The following MROH2A variants were observed in gnomAD, a reference collection of about 807,000 sequenced individuals.
MROH2A encodes maestro heat like repeat family member 2A, also known as maestro heat-like repeat-containing protein family member 2A.
In MROH2A, 174 loss-of-function variants were observed where a neutral mutation model predicts 200.4. That is an observed-to-expected ratio of 0.87 (90% confidence interval 0.77 to 0.98). The LOEUF (loss-of-function observed/expected upper bound fraction) is 0.98. MROH2A is among the 50% of genes least tolerant of loss of function. MROH2A has a pLI of 0.00. For missense variants in MROH2A, 2,045 were observed against 2,139.6 expected, an observed-to-expected ratio of 0.96 and a Z score of 0.87; for synonymous variants, 829 against 840.4, an observed-to-expected ratio of 0.99 and a Z score of 0.23.
chr2:233,777,792 A>C (rs537882755), upstream of MROH2A, among the ~76,000 whole-genome samples: 3 of 152,304 alleles, frequency 2.0e-5, no homozygotes, highest in African/African-American at 7.2e-5. Flanking sequence ...TCATTGTTGT[A>C]CCTATGATCT....
intron 38 of MROH2A, 129 bp from the exon 39 acceptor site, chr2:233,831,280 A>T: frequency 8.1e-7 from 1 of 1,237,762 alleles, no homozygotes; most frequent in Non-Finnish European, 1.1e-6. Flanking sequence ...CCCAGGAGCC[A>T]CCAGCCCTGC....
At chr2:233,805,677 C>CT (rs1702747623) in intron 19 of MROH2A, among the ~76,000 whole-genome samples, 1 of 152,176 alleles carries the variant, frequency 6.6e-6, no homozygotes, top group African/African-American at 2.4e-5. Context: ...AGTAAAACTC[C>CT]TTACACAATT....
At position 233,779,740 on chromosome 2, in the gene MROH2A, G is replaced by C. The variant is rs1322100822; in HGVS notation, c.164G>C (p.Gly55Ala). 1.9e-6 allele frequency: 3 copies of C among 1,550,938 alleles called. No homozygotes were observed. The highest frequency in any genetic ancestry group is 2.6e-6 in the Non-Finnish European group (3 of 1,147,104). Residue 55 changes from glycine (G) to alanine (A), a missense_variant, in exon 3 of 42, where the codon GGG (glycine) becomes GCG (alanine). By Grantham distance (60) the Gly-to-Ala change is moderately conservative. Coordinates refer to ENST00000389758, the MANE Select transcript of MROH2A (RefSeq NM_001394639.1). ...GAGTCAGCAAAGACGGACACAACAG[G>C]GGCAGGCCTTGACATGCGGAAGACC... is the stretch of plus-strand genomic sequence containing the variant. ...DSESAKTDTT[G>A]AGLDMRKTLA... is the part of the protein sequence containing the mutation.
rs1000968734 is a variant in MROH2A, at chr2:233,828,131, C to T, written c.4114-499C>T. ...TGCTCATTTCTCCTGTCCCTGGACT[C>T]ACCAATTTGGTGTTTAGTTTTCAGG... On this transcript the variant is annotated intron_variant, in intron 35 of 41. Coordinates refer to ENST00000389758, the MANE Select transcript of MROH2A (RefSeq NM_001394639.1). This position sits in a 1 kb window ranked among gnomAD's most constrained non-coding sequence, Gnocchi z 4.6. Among the ~76,000 whole-genome samples the T allele has an allele frequency of 5.9e-5, 9 of 152,160 alleles. No individual in the cohort carries two copies. The highest frequency in any genetic ancestry group is 2.2e-4 in the African/African-American group (9 of 41,426).
At position 233,804,082 on chromosome 2, in the gene MROH2A, G is replaced by A; in HGVS notation, c.1781G>A (p.Gly594Asp). The change falls in exon 17 of 42, where the codon GGT becomes GAT. Residue 594 changes from glycine to aspartate, a missense_variant. Physicochemically the swap from Gly to Asp is moderately conservative, Grantham distance 94. Coordinates refer to ENST00000389758, the MANE Select transcript of MROH2A (RefSeq NM_001394639.1). ...ATGTCATCACCTTACAAGGGGGAGG[G>A]TCGTGGGATAGCCATGCTCAACCTC... is the stretch of plus-strand genomic sequence containing the variant. ...VLMSSPYKGE[G>D]RGIAMLNLLR... 1 of 1,550,570 alleles carries A rather than the reference G, an allele frequency of 6.4e-7. No individual in the cohort carries two copies. Among genetic ancestry groups the A allele is most frequent in the African/African-American group, 1.4e-5 (1 of 73,144 alleles).
In MROH2A at chr2:233,816,832, G is replaced by T. The variant is rs576717420; in HGVS notation, c.2908G>T (p.Val970Leu). ...GAAAGAATGGGAGCGGGAAAAGGCCGTGAGCCTCCATCTCTATCTCATGTG... is the reference window on the plus strand; with the variant it reads ...GAAAGAATGGGAGCGGGAAAAGGCCTTGAGCCTCCATCTCTATCTCATGTG... ...SEKEWEREKA[V>L]SLHLYLMWIY... Residue 970 changes from valine (V) to leucine (L), a missense_variant, in exon 27 of 42, where the codon GTG becomes TTG. Val to Leu is a conservative substitution (Grantham distance 32). Transcript: ENST00000389758. 1 of 1,550,222 alleles carries T rather than the reference G, an allele frequency of 6.5e-7. No individual in the cohort carries two copies. The highest frequency in any genetic ancestry group is 1.4e-5 in the African/African-American group (1 of 73,062).
At chr2:233,784,386 T>C (rs571013270) in intron 3 of MROH2A, among the ~76,000 whole-genome samples, 19 of 152,332 alleles carry the variant, frequency 1.2e-4, no homozygotes, top group Non-Finnish European at 7.4e-5. Context: ...TTTTATTCCA[T>C]TGTGGTCAGA....
rs726016 is a variant in MROH2A, at chr2:233,816,856, T to C, written c.2932T>C (p.Trp978Arg). 1,322,169 of 1,548,956 alleles carry C rather than the reference T, an allele frequency of 0.85. 564,906 individuals are homozygous for C. The highest frequency in any genetic ancestry group is 0.87 in the East Asian group (35,765 of 40,890). The change falls in exon 27 of 42, where the codon TGG becomes CGG. Residue 978 changes from tryptophan to arginine, a missense_variant. Physicochemically the swap from Trp to Arg is moderately radical, Grantham distance 101. This residue lies in a region of MROH2A where 1,201 missense variants were observed against 1,311.3 expected (regional missense o/e 0.92). Transcript: ENST00000389758. Reference protein sequence around the residue: ...KAVSLHLYLMWIYVHSTAVCI... With the variant: ...KAVSLHLYLMRIYVHSTAVCI... ...CGTGAGCCTCCATCTCTATCTCATGTGGATTTATGTCCACAGCACTGCTGT... is the reference window on the plus strand; with the variant it reads ...CGTGAGCCTCCATCTCTATCTCATGCGGATTTATGTCCACAGCACTGCTGT...
intron 7 of MROH2A, 42 bp from the exon 8 acceptor site, chr2:233,794,321 G>A (rs1264774121): frequency 7.0e-7 from 1 of 1,425,290 alleles, no homozygotes; most frequent in East Asian, 2.5e-5. Flanking sequence ...CTTGCTGGAG[G>A]GTGGTGAGAC....
chr2:233,828,924 G>A lies in MROH2A; in HGVS notation c.4298G>A (p.Cys1433Tyr). ...KQYRKVLLEKCLGPLREPVSN... is the reference protein window; with the variant it reads ...KQYRKVLLEKYLGPLREPVSN... ...TACCGGAAGGTCTTGCTGGAGAAGT[G>A]CCTGGGCCCCCTGAGGGAGCCCGTG... The change falls in exon 37 of 42, where the codon TGC becomes TAC. Residue 1433 changes from cysteine (C) to tyrosine (Y), a missense_variant. Cys to Tyr is a radical substitution (Grantham distance 194). This residue lies in a region of MROH2A where 1,201 missense variants were observed against 1,311.3 expected (regional missense o/e 0.92). Transcript: ENST00000389758. This position sits in a 1 kb window ranked among gnomAD's most constrained non-coding sequence, Gnocchi z 4.6. 6.4e-7 allele frequency: 1 copy of A among 1,550,496 alleles called. No homozygotes were observed. The highest frequency in any genetic ancestry group is 8.7e-7 in the Non-Finnish European group (1 of 1,146,968).
In MROH2A at chr2:233,816,765, T is replaced by C. The variant is rs1703560831; in HGVS notation, c.2857-16T>C. On this transcript the variant is annotated splice_polypyrimidine_tract_variant and intron_variant, in intron 26 of 41. Transcript: ENST00000389758. ...GATTTTAACACCCACTTTGGTGTTCTGGGCTCTACCCATAGCTCCTGGAAA... is the reference window on the plus strand; with the variant it reads ...GATTTTAACACCCACTTTGGTGTTCCGGGCTCTACCCATAGCTCCTGGAAA... 1 of 1,541,446 alleles carries C rather than the reference T, an allele frequency of 6.5e-7. No homozygotes were observed. The highest frequency in any genetic ancestry group is 8.8e-7 in the Non-Finnish European group (1 of 1,138,932).
intron 3 of MROH2A, among the ~76,000 whole-genome samples, chr2:233,780,199 G>A (rs939336753): frequency 3.3e-5 from 5 of 152,240 alleles, no homozygotes; most frequent in Non-Finnish European, 7.3e-5. Flanking sequence ...GCTGGGTTAA[G>A]GGGCTGGGGT....
chr2:233,819,803 A>C, intron 30 of MROH2A, 99 bp from the exon 31 acceptor site: 1 of 1,333,090 alleles, frequency 7.5e-7, no homozygotes, highest in Non-Finnish European at 1.0e-6. Context: ...CCATTGTCCA[A>C]CTGGGCCAGA....
At chr2:233,785,042 A>C (rs1220441746) in intron 3 of MROH2A, among the ~76,000 whole-genome samples, 1 of 151,946 alleles carries the variant, frequency 6.6e-6, no homozygotes, top group Non-Finnish European at 1.5e-5. Flanking sequence ...GCTACCCGGG[A>C]GGCTGAGGCA....
intron 35 of MROH2A, 136 bp downstream of exon 35, chr2:233,823,800 T>C: frequency 9.4e-7 from 1 of 1,066,634 alleles, no homozygotes; most frequent in Non-Finnish European, 1.3e-6. Context: ...GTGCTCATTC[T>C]CTCATCTGCT....
rs79208193 is a variant in MROH2A at position 233,805,035 on chromosome 2, G to T, written c.1976G>T (p.Gly659Val). ...FLRNSLKKTR[G>V]SSWSLRLSKE... is the part of the protein sequence containing the mutation. Reference sequence around the variant, plus strand: ...CGAAACTCCCTCAAGAAGACCCGGGGGTCTAGCTGGAGCCTGCGCTTGAGT... The same window carrying T: ...CGAAACTCCCTCAAGAAGACCCGGGTGTCTAGCTGGAGCCTGCGCTTGAGT... The change falls in exon 19 of 42, where the codon GGG becomes GTG. Residue 659 changes from glycine to valine, a missense_variant. Coordinates refer to ENST00000389758, the MANE Select transcript of MROH2A (RefSeq NM_001394639.1). 63,088 of 1,549,996 alleles carry T rather than the reference G, an allele frequency of 0.041. 1,490 individuals are homozygous for T. Among genetic ancestry groups the T allele is most frequent in the Non-Finnish European group, 0.047 (53,901 of 1,146,632 alleles).
rs1229485524 is a variant in MROH2A, at chr2:233,789,891, C to G, written c.448C>G (p.Leu150Val). 5.8e-6 allele frequency: 9 copies of G among 1,550,434 alleles called. No homozygotes were observed. The East Asian group carries it at 1.5e-4, about 25-fold the overall frequency. Residue 150 changes from leucine to valine, a missense_variant, in exon 5 of 42, where the codon CTG becomes GTG. This residue lies in a region of MROH2A where 831 missense variants were observed against 800.0 expected (regional missense o/e 1.04). Transcript: ENST00000389758. ...GAAGGCAGAGGTGGCCAGCGACACA[C>G]TGGTGGCTCTGTCCCGAAACCACTT... ...YMKAEVASDT[L>V]VALSRNHFSL... is the part of the protein sequence containing the mutation.
In MROH2A at chr2:233,831,439, C is replaced by T; in HGVS notation, c.4633C>T (p.His1545Tyr). 6.5e-7 allele frequency: 1 copy of T among 1,550,364 alleles called. No individual in the cohort carries two copies. The highest frequency in any genetic ancestry group is 2.0e-5 in the Admixed American group (1 of 50,956). The part of the protein sequence containing the change: ...ACMATMFQCV[H>Y]FWGWKSLEHP... The stretch of plus-strand genomic sequence containing the variant: ...TATGGCTACCATGTTTCAGTGTGTG[C>T]ACTTCTGGGGCTGGAAGTCCCTGGA... Residue 1545 changes from histidine (H) to tyrosine (Y), a missense_variant, in exon 39 of 42, where the codon CAC (histidine) becomes TAC (tyrosine). Coordinates refer to ENST00000389758, the MANE Select transcript of MROH2A (RefSeq NM_001394639.1).
rs1422631013 is a variant in MROH2A at position 233,823,773 on chromosome 2, G to C, written c.4113+109G>C. On this transcript the variant is annotated intron_variant, in intron 35 of 41. Transcript: ENST00000389758. ...AGGCATGGGAGTCGGGGGGACAGGC[G>C]AGCGCCCCTCCTCTGAGTGCTCATT... The C allele has an allele frequency of 2.2e-6, 3 of 1,382,146 alleles. No individual in the cohort carries two copies. In the African/African-American group the frequency reaches 4.3e-5, roughly 20 times the overall value. 85.6% of individuals were successfully genotyped at this position (1,382,146 alleles called of 1,614,324 possible).
Sources: allele counts gnomAD v4.1 joint callset (sites outside exome capture counted in the v4.1 genomes callset), GRCh38; gene constraint gnomAD v4.1.1; regional missense constraint gnomAD v4.1.1; non-coding constraint Gnocchi (gnomAD v3.1); transcripts MANE v1.5; gene names NCBI Gene and HGNC (gene_info 2026-07-23, HGNC 2026-07-21).